Variants in MS4A4E observed in about 807,000 individuals in gnomAD.
MS4A4E encodes the protein putative membrane-spanning 4-domains subfamily A member 4E.
Under a neutral mutation model 13.3 loss-of-function variants are expected in MS4A4E, and 23 were observed. The ratio of observed to expected loss-of-function variants is 1.73; its 90% CI spans 1.25 to 2.45. MS4A4E has a LOEUF of 2.45. Among genes scored for constraint, MS4A4E ranks in the 30% most tolerant of loss-of-function variants. The pLI is 0.00. For synonymous variants in MS4A4E, 36 were observed against 45.6 expected, an observed-to-expected ratio of 0.79 and a Z score of 0.85; for missense variants, 144 against 131.2, an observed-to-expected ratio of 1.10 and a Z score of -0.48.
chr11:60,214,425 A>G, intron 4 of MS4A4E, 146 bp downstream of exon 4: 1 of 460,232 alleles, frequency 2.2e-6, no homozygotes, highest in Non-Finnish European at 3.7e-6. Flanking sequence ...CCTTATCGTA[A>G]TTTTTGAGAC....
At chr11:60,224,903 G>C (rs1347825674) in intron 3 of MS4A4E, 24 of 1,300,300 alleles carry the variant, frequency 1.8e-5, no homozygotes, top group Non-Finnish European at 2.1e-5. Flanking sequence ...AAATTGCAAA[G>C]ATCAGGGTAT....
chr11:60,208,210 A>T (rs1365167065), intron 6 of MS4A4E, among the ~76,000 whole-genome samples: 2 of 152,156 alleles, frequency 1.3e-5, no homozygotes, highest in East Asian at 3.8e-4. Flanking sequence ...AGTTTATAAA[A>T]AAACTCATTA....
Position 60,201,422 on chromosome 11 carries a change from TC to T in MS4A4E, c.*120del, listed in dbSNP as rs935524202. On this transcript the variant is annotated 3_prime_UTR_variant, in exon 9 of 9. Transcript: ENST00000651255. ...GGCGGTTGCCAGGCGGAGGGTCTCCTCCCTTCTCAGATGGGGCGGCTGGGCA... is the reference window on the plus strand; with the variant it reads ...GGCGGTTGCCAGGCGGAGGGTCTCCTCCTTCTCAGATGGGGCGGCTGGGCA... The T allele has an allele frequency of 5.1e-6, 1 of 196,176 alleles. No individual in the cohort carries two copies. The allele number at this position is 196,176 out of a possible 1,614,324, so 12.2% of individuals were successfully genotyped here.
intron 8 of MS4A4E, among the ~76,000 whole-genome samples, chr11:60,203,254 T>A (rs2084006471): frequency 6.6e-6 from 1 of 152,224 alleles, no homozygotes; most frequent in African/African-American, 2.4e-5. Flanking sequence ...CACCTATCAG[T>A]ATCACTCACC....
intron 8 of MS4A4E, among the ~76,000 whole-genome samples, chr11:60,202,687 A>T (rs2084001958): frequency 6.6e-6 from 1 of 152,328 alleles, no homozygotes; most frequent in East Asian, 1.9e-4. Flanking sequence ...GATTACTTGT[A>T]GGAGGATCAT....
At chr11:60,212,443 G>T (rs948120367) in intron 5 of MS4A4E, among the ~76,000 whole-genome samples, 2 of 151,786 alleles carry the variant, frequency 1.3e-5, no homozygotes, top group African/African-American at 4.8e-5. Context: ...CCGAGTAGCT[G>T]GAACTACAGG....
intron 1 of MS4A4E, among the ~76,000 whole-genome samples, chr11:60,241,109 C>T (rs185366300): frequency 4.2e-4 from 64 of 152,208 alleles, no homozygotes; most frequent in African/African-American, 1.4e-3. Flanking sequence ...CTGCAAGCTC[C>T]GCCTCCCGGG....
At chr11:60,239,475 C>A (rs1305015169) in intron 1 of MS4A4E, among the ~76,000 whole-genome samples, 2 of 152,146 alleles carry the variant, frequency 1.3e-5, no homozygotes, top group Non-Finnish European at 2.9e-5. Flanking sequence ...CCAACCTGTC[C>A]TGTCTTGGGG....
chr11:60,218,860 A>T (rs1820428), intron 3 of MS4A4E, among the ~76,000 whole-genome samples: 49,248 of 152,150 alleles, frequency 0.32, 9,065 homozygotes, highest in South Asian at 0.51. Flanking sequence ...AGGGTGTGGG[A>T]TAATGGTGGA....
At chr11:60,202,156 A>C (rs898739745) in intron 8 of MS4A4E, among the ~76,000 whole-genome samples, 3 of 152,210 alleles carry the variant, frequency 2.0e-5, no homozygotes, top group Admixed American at 2.0e-4. Flanking sequence ...ATCACTAAGC[A>C]GACAGAGAAT....
At chr11:60,219,702 C>T (rs910029011) in intron 3 of MS4A4E, among the ~76,000 whole-genome samples, 10 of 152,194 alleles carry the variant, frequency 6.6e-5, no homozygotes, top group African/African-American at 2.2e-4. Context: ...TCCCATCCTT[C>T]CTCAAGGAGA....
At chr11:60,226,423 A>G (rs978233957) in intron 3 of MS4A4E, among the ~76,000 whole-genome samples, 14 of 152,194 alleles carry the variant, frequency 9.2e-5, no homozygotes, top group African/African-American at 2.7e-4. Context: ...TAGTGTATCA[A>G]AAGAATTATA....
intron 1 of MS4A4E, among the ~76,000 whole-genome samples, chr11:60,233,422 C>A (rs1245963528): frequency 2.0e-5 from 3 of 152,236 alleles, no homozygotes; most frequent in Admixed American, 1.3e-4. Flanking sequence ...CATCCCTGCT[C>A]CATGGGCTTG....
intron 3 of MS4A4E, among the ~76,000 whole-genome samples, chr11:60,226,948 G>A (rs1273907521): frequency 2.0e-5 from 3 of 152,254 alleles, no homozygotes; most frequent in Admixed American, 2.0e-4. Flanking sequence ...TAGGATACAA[G>A]CTTAATACAC....
chr11:60,232,284 A>AACACAC (rs3221531), intron 1 of MS4A4E, among the ~76,000 whole-genome samples: 1,610 of 130,230 alleles, frequency 0.012, 27 homozygotes, highest in African/African-American at 0.033. Flanking sequence ...CATCGCCATC[A>AACACAC]ACACACACAC....
intron 2 of MS4A4E, among the ~76,000 whole-genome samples, chr11:60,228,862 AACTGTATG>A (rs1197925786): frequency 6.6e-6 from 1 of 152,246 alleles, no homozygotes; most frequent in African/African-American, 2.4e-5. Context: ...TTATAATGTT[AACTGTATG>A]ACTTTCTGGA....
chr11:60,233,477 T>A (rs1367316170), intron 1 of MS4A4E, among the ~76,000 whole-genome samples: 1 of 152,180 alleles, frequency 6.6e-6, no homozygotes, highest in African/African-American at 2.4e-5. Context: ...GCTTTGTGGG[T>A]AACCTGCATC....
At chr11:60,210,216 G>A (rs1440827765) in intron 5 of MS4A4E, among the ~76,000 whole-genome samples, 3 of 152,126 alleles carry the variant, frequency 2.0e-5, no homozygotes, top group African/African-American at 7.2e-5. Flanking sequence ...ACAAATACAG[G>A]GCTGGACTTC....
At chr11:60,206,077 T>A (rs2084036358) in intron 6 of MS4A4E, among the ~76,000 whole-genome samples, 1 of 152,110 alleles carries the variant, frequency 6.6e-6, no homozygotes, top group East Asian at 1.9e-4. Context: ...CCAAGGTACT[T>A]TCTATGGGTG....
Sources: gnomAD v4.1 joint callset for allele counts (sites outside exome capture counted in the v4.1 genomes callset) on GRCh38, gnomAD v4.1.1 for gene constraint, MANE v1.5 for transcripts, NCBI Gene and HGNC (gene_info 2026-07-23, HGNC 2026-07-21) for gene names.